The following WNK3 variants were observed in gnomAD, a reference collection of about 807,000 sequenced individuals.
The protein encoded by WNK3 is WNK lysine deficient protein kinase 3.
A neutral mutation model predicts 116.7 loss-of-function variants in WNK3; 18 were observed. That is an observed-to-expected ratio of 0.15 (90% CI 0.11 to 0.23). The LOEUF (loss-of-function observed/expected upper bound fraction) is 0.23. Ranked by LOEUF, WNK3 falls within the 10% of genes least tolerant of loss-of-function variation. The probability of loss-of-function intolerance (pLI) is 1.00; values close to 1 mark genes in which losing one functional copy is unlikely to be tolerated. For missense variants in WNK3, 993 were observed against 1,323.8 expected (o/e 0.75, Z 3.88); for synonymous variants, 404 against 469.4 (o/e 0.86, Z 1.80).
chrX:54,290,924 T>C (rs1278129278), intron 10 of WNK3, among the ~76,000 whole-genome samples: 1 of 111,512 alleles, frequency 9.0e-6, no homozygotes, highest in Non-Finnish European at 1.9e-5. Flanking sequence ...CTACAAAAAA[T>C]CATATGTATG....
intron 10 of WNK3, among the ~76,000 whole-genome samples, chrX:54,270,543 A>T (rs2068370552): frequency 9.2e-6 from 1 of 108,174 alleles, no homozygotes; most frequent in East Asian, 2.9e-4. Context: ...AGCTGGGATT[A>T]CAGGCACCTG....
chrX:54,243,515 T>C (rs1281009093), intron 17 of WNK3, among the ~76,000 whole-genome samples: 2 of 110,330 alleles, frequency 1.8e-5, no homozygotes, highest in African/African-American at 3.3e-5. Context: ...AACAGACATT[T>C]CTTCAAAGAA....
At chrX:54,270,950 T>C (rs2068376669) in intron 10 of WNK3, among the ~76,000 whole-genome samples, 1 of 111,940 alleles carries the variant, frequency 8.9e-6, no homozygotes, top group African/African-American at 3.2e-5. Flanking sequence ...CTAATTTTTT[T>C]GTATTTTTAG....
At chrX:54,334,989 G>A (rs782383630) in intron 1 of WNK3, among the ~76,000 whole-genome samples, 5 of 111,505 alleles carry the variant, frequency 4.5e-5, no homozygotes, top group African/African-American at 1.6e-4. Flanking sequence ...GGCTGGGCAC[G>A]GTGGCTCACA....
intron 5 of WNK3, among the ~76,000 whole-genome samples, chrX:54,305,479 TAA>T: frequency 8.9e-6 from 1 of 111,756 alleles, no homozygotes; most frequent in Non-Finnish European, 1.9e-5. Flanking sequence ...CCACTACTCT[TAA>T]GTCTCTTGTA....
At chrX:54,207,800 C>T (rs2067571032) in intron 22 of WNK3, among the ~76,000 whole-genome samples, 1 of 111,014 alleles carries the variant, frequency 9.0e-6, no homozygotes, top group Non-Finnish European at 1.9e-5. Flanking sequence ...AGGCGTGAGC[C>T]ACTGCACACC....
At chrX:54,339,888 G>A (rs1027482154) in intron 1 of WNK3, among the ~76,000 whole-genome samples, 12 of 111,787 alleles carry the variant, frequency 1.1e-4, no homozygotes, top group African/African-American at 2.3e-4. Context: ...GGCTGGGCGC[G>A]GTGGCTCACG....
chrX:54,318,693 C>T (rs1557171523), intron 2 of WNK3, among the ~76,000 whole-genome samples: 1 of 110,118 alleles, frequency 9.1e-6, no homozygotes, highest in Non-Finnish European at 1.9e-5. Context: ...AGAGCAAGAC[C>T]CTGTCTTGAA....
intron 10 of WNK3, among the ~76,000 whole-genome samples, chrX:54,275,125 G>A (rs1264650558): frequency 9.1e-6 from 1 of 109,354 alleles, no homozygotes; most frequent in East Asian, 2.9e-4. Context: ...AAACCAGCCT[G>A]GCCAACATGG....
chrX:54,255,052 TCAC>T (rs1306348533), intron 12 of WNK3, among the ~76,000 whole-genome samples: 2 of 110,639 alleles, frequency 1.8e-5, no homozygotes, highest in Non-Finnish European at 3.8e-5. Context: ...TGATCTCAGT[TCAC>T]CGCAACCTCC....
At chrX:54,357,093 AC>A (rs2069603492) in intron 1 of WNK3, among the ~76,000 whole-genome samples, 1 of 110,192 alleles carries the variant, frequency 9.1e-6, no homozygotes, top group Admixed American at 9.8e-5. Flanking sequence ...AATATTTCTC[AC>A]CCCATCCTGT....
intron 23 of WNK3, among the ~76,000 whole-genome samples, 158 bp from the exon 24 acceptor site, chrX:54,198,811 G>A (rs782176426): frequency 1.8e-5 from 2 of 109,700 alleles, no homozygotes; most frequent in Admixed American, 2.0e-4. Context: ...TACTATTAGG[G>A]ACTACCATTT....
chrX:54,217,440 TA>T (rs2067711859), intron 22 of WNK3, among the ~76,000 whole-genome samples: 4 of 106,643 alleles, frequency 3.8e-5, no homozygotes, highest in Non-Finnish European at 7.7e-5. Context: ...GCCAACATGG[TA>T]AAACCCCATC....
intron 22 of WNK3, among the ~76,000 whole-genome samples, chrX:54,214,882 G>A (rs1282706076): frequency 1.8e-5 from 2 of 109,744 alleles, no homozygotes; most frequent in African/African-American, 6.6e-5. Flanking sequence ...GCGTGGTGGC[G>A]GGCGCCTGTA....
intron 2 of WNK3, among the ~76,000 whole-genome samples, chrX:54,322,482 C>A (rs2035185907): frequency 9.0e-6 from 1 of 111,114 alleles, no homozygotes; most frequent in African/African-American, 3.3e-5. Context: ...ACTGACATCC[C>A]TTGAGTTTCG....
intron 1 of WNK3, among the ~76,000 whole-genome samples, chrX:54,345,295 T>C (rs1386817438): frequency 9.6e-6 from 1 of 104,117 alleles, no homozygotes; most frequent in Non-Finnish European, 1.9e-5. Flanking sequence ...TGTATGTATG[T>C]ATGTATGTAT....
At chrX:54,264,471 G>A (rs1277243931) in intron 10 of WNK3, among the ~76,000 whole-genome samples, 1 of 110,157 alleles carries the variant, frequency 9.1e-6, no homozygotes, top group Non-Finnish European at 1.9e-5. Flanking sequence ...AGGCCTGAAC[G>A]ATGAAATTTA....
At chrX:54,209,615 A>C (rs1317057561) in intron 22 of WNK3, among the ~76,000 whole-genome samples, 2 of 79,472 alleles carry the variant, frequency 2.5e-5, no homozygotes, top group African/African-American at 5.2e-5. Flanking sequence ...CAGTGGCGTG[A>C]TCTCAGCTCA....
chrX:54,198,098 T>C (rs2067462960), exon 24 of WNK3: 2 of 301,711 alleles, frequency 6.6e-6, no homozygotes, highest in Admixed American at 1.2e-4. Context: ...GGATAGAATT[T>C]GAAGTGAAAA....
Sources: gnomAD v4.1 joint callset for allele counts (sites outside exome capture counted in the v4.1 genomes callset) on GRCh38, gnomAD v4.1.1 for gene constraint, MANE v1.5 for transcripts, NCBI Gene and HGNC (gene_info 2026-07-23, HGNC 2026-07-21) for gene names.